The following EMSY variants were observed in gnomAD, a reference collection of about 807,000 sequenced individuals.
The protein encoded by EMSY is BRCA2-interacting transcriptional repressor EMSY.
Under a neutral mutation model 134.6 loss-of-function variants are expected in EMSY, and 26 were observed. The observed-to-expected ratio is 0.19, with a 90% CI of 0.14 to 0.27. EMSY has a LOEUF of 0.27. EMSY is among the 10% of genes least tolerant of loss of function. The pLI is 1.00. For missense variants in EMSY, 1,305 were observed against 1,611.4 expected, an observed-to-expected ratio of 0.81 and a Z score of 3.26; for synonymous variants, 579 against 577.8, an observed-to-expected ratio of 1.00 and a Z score of -0.03.
At chr11:76,540,903 T>C (rs1951414923) in intron 17 of EMSY, among the ~76,000 whole-genome samples, 1 of 152,224 alleles carries the variant, frequency 6.6e-6, no homozygotes, top group African/African-American at 2.4e-5. Flanking sequence ...ATCATATGCA[T>C]TTTTAAAGCT....
intron 7 of EMSY, 53 bp from the exon 9 acceptor site, chr11:76,472,511 A>G: frequency 1.3e-6 from 2 of 1,492,686 alleles, no homozygotes; most frequent in South Asian, 1.2e-5. Flanking sequence ...GTGAGTCTAG[A>G]TACATTAGTA....
chr11:76,479,798 T>G (rs1268138936), intron 8 of EMSY, among the ~76,000 whole-genome samples: 1 of 152,130 alleles, frequency 6.6e-6, no homozygotes, highest in Admixed American at 6.6e-5. Context: ...CAGAAGTTAA[T>G]GAAAAATAGA....
chr11:76,465,969 T>C (rs948710650), intron 7 of EMSY, among the ~76,000 whole-genome samples: 2 of 152,346 alleles, frequency 1.3e-5, no homozygotes, highest in African/African-American at 4.8e-5. Flanking sequence ...TTCAGAAATA[T>C]CCCAGTCTCC....
chr11:76,525,658 A>G (rs1950820302), intron 12 of EMSY, among the ~76,000 whole-genome samples: 3 of 152,188 alleles, frequency 2.0e-5, no homozygotes, highest in African/African-American at 7.2e-5. Context: ...TTAAGAATAA[A>G]GTAGATGAAA....
intron 17 of EMSY, among the ~76,000 whole-genome samples, chr11:76,541,098 C>T (rs1328017106): frequency 2.0e-5 from 3 of 152,138 alleles, no homozygotes; most frequent in Non-Finnish European, 4.4e-5. Context: ...TGGTGGTGCA[C>T]ACATGTAATC....
At chr11:76,483,342 C>A (rs1000439362) in intron 8 of EMSY, among the ~76,000 whole-genome samples, 2 of 152,148 alleles carry the variant, frequency 1.3e-5, no homozygotes, top group African/African-American at 4.8e-5. Flanking sequence ...GAAACTGTAT[C>A]AACTAATGGA....
At chr11:76,493,137 G>A (rs1949492883) in intron 8 of EMSY, among the ~76,000 whole-genome samples, 1 of 152,140 alleles carries the variant, frequency 6.6e-6, no homozygotes, top group Non-Finnish European at 1.5e-5. Context: ...TGTCTGCTCC[G>A]GTTTCAGAGC....
intron 8 of EMSY, among the ~76,000 whole-genome samples, chr11:76,478,340 A>ATTTTT (rs371584435): frequency 1.3e-4 from 16 of 122,546 alleles, no homozygotes; most frequent in African/African-American, 5.0e-4. Context: ...CATGTGAATA[A>ATTTTT]TTTTTTTTTT....
At chr11:76,479,935 T>C (rs1024678183) in intron 8 of EMSY, among the ~76,000 whole-genome samples, 1 of 152,178 alleles carries the variant, frequency 6.6e-6, no homozygotes, top group Non-Finnish European at 1.5e-5. Context: ...AGATCTATCA[T>C]GATGAACTAA....
chr11:76,501,979 C>T (rs1434798852), intron 9 of EMSY, among the ~76,000 whole-genome samples: 2 of 144,886 alleles, frequency 1.4e-5, no homozygotes, highest in East Asian at 2.0e-4. Context: ...AATAAAGTTA[C>T]GTAAGAGCTG....
chr11:76,532,973 A>G (rs1034696093), intron 14 of EMSY, among the ~76,000 whole-genome samples: 1 of 152,174 alleles, frequency 6.6e-6, no homozygotes, highest in African/African-American at 2.4e-5. Context: ...AAGATACAAT[A>G]TAAAATGTTC....
intron 11 of EMSY, among the ~76,000 whole-genome samples, chr11:76,521,470 A>C (rs539513939): frequency 1.9e-4 from 29 of 152,296 alleles, no homozygotes; most frequent in African/African-American, 7.0e-4. Flanking sequence ...GGGAGTTAAG[A>C]CGAGGAAACA....
At chr11:76,453,424 G>A (rs1025643068) in intron 4 of EMSY, 36 bp downstream of exon 4, 4 of 1,582,062 alleles carry the variant, frequency 2.5e-6, no homozygotes, top group African/African-American at 1.3e-5. Flanking sequence ...GATTTTTTAT[G>A]ACATAGTATA....
intron 2 of EMSY, among the ~76,000 whole-genome samples, chr11:76,449,585 G>A (rs1947567800): frequency 6.6e-6 from 1 of 151,850 alleles, no homozygotes; most frequent in Non-Finnish European, 1.5e-5. Context: ...TTATGGCATT[G>A]CCATTCTCCT....
At chr11:76,491,001 C>T (rs1223754107) in intron 8 of EMSY, among the ~76,000 whole-genome samples, 2 of 152,068 alleles carry the variant, frequency 1.3e-5, no homozygotes, top group Non-Finnish European at 2.9e-5. Flanking sequence ...AAAAACCTAA[C>T]TTCTATTATC....
chr11:76,514,881 GTGTTA>G (rs1020432476), intron 10 of EMSY, among the ~76,000 whole-genome samples: 38 of 152,118 alleles, frequency 2.5e-4, no homozygotes, highest in Non-Finnish European at 5.3e-4. Context: ...ATAGATAACA[GTGTTA>G]TGCATATATG....
chr11:76,495,748 TGTGA>T (rs1340469220), intron 8 of EMSY, among the ~76,000 whole-genome samples: 3 of 152,214 alleles, frequency 2.0e-5, no homozygotes, highest in Non-Finnish European at 4.4e-5. Flanking sequence ...AAAAGATGAA[TGTGA>T]GTTATTTCAA....
chr11:76,484,764 C>T (rs1290062075), intron 8 of EMSY, among the ~76,000 whole-genome samples: 1 of 152,054 alleles, frequency 6.6e-6, no homozygotes, highest in Non-Finnish European at 1.5e-5. Flanking sequence ...GAAACCCCAT[C>T]TCTACTAAAA....
chr11:76,496,605 A>G (rs926228493), intron 9 of EMSY, 136 bp downstream of exon 10: 4 of 959,058 alleles, frequency 4.2e-6, no homozygotes, highest in Non-Finnish European at 6.5e-6. Flanking sequence ...TACAGCTTTC[A>G]GCATATAGAT....
Sources: allele counts gnomAD v4.1 joint callset (sites outside exome capture counted in the v4.1 genomes callset), GRCh38; gene constraint gnomAD v4.1.1; transcripts MANE v1.5; gene names NCBI Gene and HGNC (gene_info 2026-07-23, HGNC 2026-07-21).